The following MYRIP variants were observed in gnomAD, a reference collection of about 807,000 sequenced individuals.
MYRIP encodes myosin VIIA and Rab interacting protein.
In MYRIP, 49 loss-of-function variants were observed where a neutral mutation model predicts 98.0. That is an observed-to-expected ratio of 0.50 (90% CI 0.40 to 0.63). The LOEUF (loss-of-function observed/expected upper bound fraction) is 0.63, where lower values mean the gene tolerates loss of function less well. MYRIP is among the 30% of genes least tolerant of loss of function. The pLI, the probability that MYRIP is intolerant of heterozygous loss-of-function variation, is 0.00. For synonymous variants in MYRIP, 404 were observed against 409.5 expected (o/e 0.99, Z 0.16); for missense variants, 1,004 against 1,058.2 (o/e 0.95, Z 0.71).
intron 2 of MYRIP, among the ~76,000 whole-genome samples, chr3:39,986,589 G>A (rs1053350326): frequency 6.6e-6 from 1 of 152,140 alleles, no homozygotes; most frequent in African/African-American, 2.4e-5. Flanking sequence ...CACAGTGGAT[G>A]CTGCAGCGGT....
chr3:40,256,614 T>C (rs2125732545), intron 16 of MYRIP, among the ~76,000 whole-genome samples: 1 of 151,678 alleles, frequency 6.6e-6, no homozygotes, highest in East Asian at 1.9e-4. Context: ...ATATATACAA[T>C]GTGATGTAAA....
chr3:40,002,830 T>A (rs190248076), intron 2 of MYRIP, among the ~76,000 whole-genome samples: 1 of 152,234 alleles, frequency 6.6e-6, no homozygotes, highest in Admixed American at 6.5e-5. Flanking sequence ...TTAGTATATG[T>A]ATATATACAC....
chr3:40,165,420 T>G (rs547220275), intron 5 of MYRIP, among the ~76,000 whole-genome samples: 3 of 152,252 alleles, frequency 2.0e-5, no homozygotes, highest in African/African-American at 7.2e-5. Context: ...AATTGATATA[T>G]TCACACCCTG....
chr3:40,253,959 TC>T (rs1327642776), intron 16 of MYRIP, among the ~76,000 whole-genome samples: 12 of 152,216 alleles, frequency 7.9e-5, no homozygotes, highest in Non-Finnish European at 1.3e-4. Context: ...TATTCTGTTT[TC>T]AGTCCATATT....
intron 1 of MYRIP, among the ~76,000 whole-genome samples, chr3:39,830,613 T>C (rs1293920075): frequency 1.3e-5 from 2 of 152,204 alleles, no homozygotes; most frequent in Non-Finnish European, 2.9e-5. Context: ...ATATGAAATG[T>C]CGCTCCACTC....
chr3:40,137,165 G>A (rs551581331), intron 3 of MYRIP, among the ~76,000 whole-genome samples: 1 of 151,756 alleles, frequency 6.6e-6, no homozygotes, highest in Non-Finnish European at 1.5e-5. Context: ...AAAGAGAGAA[G>A]AATCAAATAG....
intron 1 of MYRIP, among the ~76,000 whole-genome samples, chr3:39,877,179 G>T (rs1943023250): frequency 6.6e-6 from 1 of 152,140 alleles, no homozygotes; most frequent in South Asian, 2.1e-4. Flanking sequence ...TCGAGCCTTG[G>T]TTTTCAGCTC....
At chr3:39,843,026 A>G (rs892565915) in intron 1 of MYRIP, among the ~76,000 whole-genome samples, 1 of 152,164 alleles carries the variant, frequency 6.6e-6, no homozygotes, top group African/African-American at 2.4e-5. Context: ...CTGATGGAGG[A>G]TGAATTACCA....
chr3:40,007,634 A>G (rs1467070063), intron 2 of MYRIP, among the ~76,000 whole-genome samples: 4 of 152,244 alleles, frequency 2.6e-5, no homozygotes, highest in Non-Finnish European at 4.4e-5. Flanking sequence ...AGCAGACTAC[A>G]GTGGGTTCTC....
chr3:39,831,590 A>G (rs886412787), intron 1 of MYRIP, among the ~76,000 whole-genome samples: 2 of 152,154 alleles, frequency 1.3e-5, no homozygotes, highest in South Asian at 2.1e-4. Flanking sequence ...ATATTTTTCA[A>G]TCATGGCACA....
At position 40,186,992 on chromosome 3, in the gene MYRIP, T is replaced by C. The variant is rs1480374934; in HGVS notation, c.1028-2834T>C. On this transcript the variant is annotated intron_variant, in intron 9 of 16. Coordinates refer to ENST00000302541, the MANE Select transcript of MYRIP (RefSeq NM_015460.4). ...AATGCTAGCAAGCCACTCTTCTGAA[T>C]AGCTCCATTGTCAATGAAAATAGTG... Among the ~76,000 whole-genome samples the C allele has an allele frequency of 4.6e-5, 7 of 152,342 alleles. No individual in the cohort carries two copies. The South Asian group carries it at 1.2e-3, about 27-fold the overall frequency.
intron 2 of MYRIP, among the ~76,000 whole-genome samples, chr3:39,903,313 A>G (rs1433720611): frequency 6.6e-6 from 1 of 152,232 alleles, no homozygotes; most frequent in Non-Finnish European, 1.5e-5. Context: ...TTTTAGAATT[A>G]TAGAAAGTAT....
At chr3:40,243,719 T>C (rs1953097823) in intron 12 of MYRIP, among the ~76,000 whole-genome samples, 2 of 152,350 alleles carry the variant, frequency 1.3e-5, no homozygotes, top group Non-Finnish European at 1.5e-5. Context: ...GTCTGAATTA[T>C]TTCAAGGATT....
At chr3:39,839,049 A>AT (rs1431248155) in intron 1 of MYRIP, among the ~76,000 whole-genome samples, 1 of 151,274 alleles carries the variant, frequency 6.6e-6, no homozygotes, top group African/African-American at 2.4e-5. Context: ...TCCCTTTATT[A>AT]TTTTTTATTG....
intron 2 of MYRIP, among the ~76,000 whole-genome samples, chr3:39,983,655 C>G (rs1441834252): frequency 1.3e-5 from 2 of 152,078 alleles, no homozygotes; most frequent in Non-Finnish European, 2.9e-5. Context: ...AATTGACATT[C>G]CAGTGGAGGA....
At chr3:40,097,195 C>A (rs2125888127) in intron 3 of MYRIP, among the ~76,000 whole-genome samples, 1 of 152,326 alleles carries the variant, frequency 6.6e-6, no homozygotes, top group Middle Eastern at 3.4e-3. Context: ...TAAGCACTCA[C>A]CTACCCTCAC....
intron 2 of MYRIP, among the ~76,000 whole-genome samples, chr3:39,997,022 A>G (rs1020745646): frequency 1.8e-4 from 28 of 152,306 alleles, no homozygotes; most frequent in Admixed American, 6.5e-4. Context: ...TCTCTGGGAC[A>G]CATTCAAAGC....
At chr3:39,901,006 CCTGCT>C in intron 2 of MYRIP, 80 bp downstream of exon 2, 3 of 989,540 alleles carry the variant, frequency 3.0e-6, no homozygotes, top group Non-Finnish European at 4.7e-6. Context: ...GGTATTCCCT[CCTGCT>C]AGCCCTGAGT....
chr3:39,838,376 A>T (rs1032934291), intron 1 of MYRIP, among the ~76,000 whole-genome samples: 30 of 152,196 alleles, frequency 2.0e-4, no homozygotes, highest in African/African-American at 7.0e-4. Flanking sequence ...ACTTTGAGAT[A>T]TGTTCCATTA....
Sources: allele counts gnomAD v4.1 joint callset (sites outside exome capture counted in the v4.1 genomes callset), GRCh38; gene constraint gnomAD v4.1.1; transcripts MANE v1.5; gene names NCBI Gene and HGNC (gene_info 2026-07-23, HGNC 2026-07-21).